ABCC4: variants seen among roughly 807,000 people sequenced by gnomAD.
The protein encoded by ABCC4 is ATP-binding cassette sub-family C member 4.
ABCC4 carries 102 observed loss-of-function variants against 168.5 expected under a neutral mutation model. That is an observed-to-expected ratio of 0.61 (90% CI 0.52 to 0.71). The LOEUF is 0.71. Ranked by LOEUF, ABCC4 falls within the 30% of genes least tolerant of loss-of-function variation. The probability of loss-of-function intolerance (pLI) is 0.00; values close to 1 mark genes in which losing one functional copy is unlikely to be tolerated. For synonymous variants in ABCC4, 617 were observed against 590.7 expected (o/e 1.04, Z -0.65); for missense variants, 1,402 against 1,605.8 (o/e 0.87, Z 2.17).
chr13:95,084,915 A>G (rs1307599532), intron 20 of ABCC4, among the ~76,000 whole-genome samples: 2 of 152,238 alleles, frequency 1.3e-5, no homozygotes, highest in African/African-American at 4.8e-5. Context: ...TGCTCATTTC[A>G]GTATTCATCT....
chr13:95,245,594 G>A (rs1022879739), intron 3 of ABCC4, among the ~76,000 whole-genome samples: 1 of 152,180 alleles, frequency 6.6e-6, no homozygotes, highest in Non-Finnish European at 1.5e-5. Flanking sequence ...CAGTTCCACC[G>A]GTTATTCTGC....
intron 4 of ABCC4, among the ~76,000 whole-genome samples, chr13:95,219,601 G>A (rs1378292275): frequency 6.6e-6 from 1 of 152,056 alleles, no homozygotes; most frequent in East Asian, 1.9e-4. Context: ...CCACCTCTGG[G>A]GTCCAAGCAA....
At chr13:95,264,626 T>C (rs1029217892) in intron 1 of ABCC4, among the ~76,000 whole-genome samples, 21 of 152,236 alleles carry the variant, frequency 1.4e-4, no homozygotes, top group Admixed American at 1.2e-3. Flanking sequence ...ATCAAGGACA[T>C]GAGAGACAAT....
intron 30 of ABCC4, among the ~76,000 whole-genome samples, chr13:95,034,238 G>C (rs1322269392): frequency 6.6e-6 from 1 of 152,154 alleles, no homozygotes; most frequent in East Asian, 1.9e-4. Flanking sequence ...CTATCAATAA[G>C]AATGAAATGC....
At chr13:95,072,455 C>G (rs938377941) in intron 24 of ABCC4, among the ~76,000 whole-genome samples, 8 of 152,114 alleles carry the variant, frequency 5.3e-5, no homozygotes, top group Non-Finnish European at 1.2e-4. Flanking sequence ...GAGCAAAACT[C>G]TGTCCCCTCA....
intron 4 of ABCC4, 105 bp downstream of exon 4, chr13:95,234,505 T>C: frequency 1.1e-6 from 1 of 890,488 alleles, no homozygotes; most frequent in South Asian, 1.7e-5. Flanking sequence ...TCACCCAGGC[T>C]GGAGTGCAGT....
At chr13:95,050,899 T>C (rs919593938) in intron 27 of ABCC4, among the ~76,000 whole-genome samples, 4 of 152,242 alleles carry the variant, frequency 2.6e-5, no homozygotes, top group Non-Finnish European at 5.9e-5. Context: ...TCTCTGAGAA[T>C]CTGTGACAAG....
intron 8 of ABCC4, 47 bp downstream of exon 8, chr13:95,206,485 T>C (rs774079223): frequency 6.3e-7 from 1 of 1,597,372 alleles, no homozygotes; most frequent in East Asian, 2.2e-5. Flanking sequence ...GAGACATCAT[T>C]CTACTTCAAA....
At chr13:95,198,046 C>T (rs2038510571) in intron 8 of ABCC4, among the ~76,000 whole-genome samples, 1 of 152,106 alleles carries the variant, frequency 6.6e-6, no homozygotes, top group Non-Finnish European at 1.5e-5. Context: ...AGGACATAGG[C>T]ATGGCAAAGA....
chr13:95,101,354 A>T (rs919103585), intron 20 of ABCC4, among the ~76,000 whole-genome samples: 2 of 141,990 alleles, frequency 1.4e-5, no homozygotes, highest in South Asian at 2.3e-4. Context: ...CAAGCTGCTG[A>T]TTTTTTTTTT....
At chr13:95,213,395 G>A (rs2039017679) in intron 4 of ABCC4, among the ~76,000 whole-genome samples, 1 of 152,236 alleles carries the variant, frequency 6.6e-6, no homozygotes, top group East Asian at 1.9e-4. Flanking sequence ...TGGAGGAAGA[G>A]ATGGTTGTTC....
intron 4 of ABCC4, among the ~76,000 whole-genome samples, chr13:95,214,956 A>G (rs1434559584): frequency 6.6e-6 from 1 of 151,546 alleles, no homozygotes; most frequent in Non-Finnish European, 1.5e-5. Context: ...TTAAAATATG[A>G]GGGTGAAATT....
At chr13:95,158,071 CAA>C (rs35037278) in intron 19 of ABCC4, among the ~76,000 whole-genome samples, 49 of 84,658 alleles carry the variant, frequency 5.8e-4, no homozygotes, top group African/African-American at 5.4e-4. Context: ...GACTCCGTCT[CAA>C]AAAAAAAAAA....
At position 95,026,225 on chromosome 13, in the gene ABCC4, G is replaced by A. The variant is rs190017007; in HGVS notation, c.3871-4543C>T. On this transcript the variant is annotated intron_variant, in intron 30 of 30. Coordinates refer to ENST00000645237, the MANE Select transcript of ABCC4 (RefSeq NM_005845.5). ...CTGCACTCCAGTTTGTGGAATAGAC[G>A]GAGACTCTGTCTCAAAAAAGGGAAA... 2.0e-4 allele frequency among the ~76,000 whole-genome samples: 30 copies of A among 152,006 alleles called. 1 individual carries two copies. Among genetic ancestry groups the A allele is most frequent in the Admixed American group, 1.6e-3 (25 of 15,260 alleles).
At chr13:95,122,875 G>A (rs550968100) in intron 19 of ABCC4, among the ~76,000 whole-genome samples, 102 of 152,302 alleles carry the variant, frequency 6.7e-4, no homozygotes, top group Admixed American at 1.9e-3. Flanking sequence ...AAACTTAGCC[G>A]GGCATGGAGG....
chr13:95,282,138 A>T (rs1197898872), intron 1 of ABCC4, among the ~76,000 whole-genome samples: 2 of 72,674 alleles, frequency 2.8e-5, no homozygotes, highest in Non-Finnish European at 5.0e-5. Flanking sequence ...CTCCATCTTA[A>T]AAAAAAAAAA....
At chr13:95,184,131 C>T (rs910453866) in intron 11 of ABCC4, among the ~76,000 whole-genome samples, 11 of 152,202 alleles carry the variant, frequency 7.2e-5, no homozygotes, top group African/African-American at 1.4e-4. Context: ...CTGCCTGCCA[C>T]GCAGAAGCCC....
Position 95,301,270 on chromosome 13 carries a change from GTCCTGCAGCGGGTTGGGCTTCACC to G in ABCC4, c.21_44del (p.Glu7_Gln14del). On this transcript the variant is annotated inframe_deletion, in exon 1 of 31. Coordinates refer to ENST00000645237, the MANE Select transcript of ABCC4 (RefSeq NM_005845.5). The stretch of plus-strand genomic sequence containing the variant: ...AGAACACGCGTGAGCAGAGGTTCGC[GTCCTGCAGCGGGTTGGGCTTCACC>G]TCCTGGTACACGGGCAGCATCTTGC... 6.3e-7 allele frequency: 1 copy of G among 1,595,394 alleles called. No individual in the cohort carries two copies. The highest frequency in any genetic ancestry group is 8.5e-7 in the Non-Finnish European group (1 of 1,171,586).
chr13:95,249,839 G>A (rs1005836987), intron 1 of ABCC4, among the ~76,000 whole-genome samples: 3 of 152,234 alleles, frequency 2.0e-5, no homozygotes, highest in East Asian at 3.8e-4. Context: ...TAAGGAAAGT[G>A]AGAATGGTAA....
Sources: gnomAD v4.1 joint callset for allele counts (sites outside exome capture counted in the v4.1 genomes callset) on GRCh38, gnomAD v4.1.1 for gene constraint, MANE v1.5 for transcripts, NCBI Gene and HGNC (gene_info 2026-07-23, HGNC 2026-07-21) for gene names.